The following LRRC4C variants were observed in gnomAD, a reference collection of about 807,000 sequenced individuals.
The protein encoded by LRRC4C is leucine-rich repeat-containing protein 4C.
LRRC4C carries 5 observed loss-of-function variants against 33.6 expected under a neutral mutation model. The observed-to-expected ratio is 0.15, with a 90% CI of 0.08 to 0.31. The LOEUF is 0.31. Among genes scored for constraint, LRRC4C ranks in the 10% least tolerant of loss-of-function variants. The probability of loss-of-function intolerance (pLI) is 1.00; values close to 1 mark genes in which losing one functional copy is unlikely to be tolerated. For synonymous variants in LRRC4C, 329 were observed against 302.0 expected (o/e 1.09, Z -0.93); for missense variants, 560 against 796.7 (o/e 0.70, Z 3.58).
intron 1 of LRRC4C, among the ~76,000 whole-genome samples, chr11:41,246,333 G>T (rs566115940): frequency 6.6e-6 from 1 of 152,296 alleles, no homozygotes; most frequent in African/African-American, 2.4e-5. Flanking sequence ...TCATGACAGC[G>T]CCTGGGCTTG....
intron 3 of LRRC4C, among the ~76,000 whole-genome samples, chr11:40,513,248 CAAA>C (rs1171178910): frequency 3.6e-5 from 2 of 55,004 alleles, no homozygotes; most frequent in Admixed American, 2.1e-4. Context: ...GACTCCGTCT[CAAA>C]AAAAAAAAAA....
At chr11:41,160,380 T>TAAAA (rs61443237) in intron 1 of LRRC4C, among the ~76,000 whole-genome samples, 55 of 132,672 alleles carry the variant, frequency 4.1e-4, no homozygotes, top group African/African-American at 9.3e-4. Context: ...ACCCTCTTTC[T>TAAAA]AAAAAAAAAA....
intron 1 of LRRC4C, among the ~76,000 whole-genome samples, chr11:40,972,568 G>A (rs1851799523): frequency 1.3e-5 from 2 of 152,098 alleles, no homozygotes; most frequent in South Asian, 4.1e-4. Flanking sequence ...AAGGAAATAG[G>A]TTTAATTGAC....
chr11:40,309,255 T>C (rs933446073), intron 4 of LRRC4C, among the ~76,000 whole-genome samples: 2 of 152,204 alleles, frequency 1.3e-5, no homozygotes, highest in Non-Finnish European at 2.9e-5. Flanking sequence ...CAAATTGATA[T>C]ATATATCCAT....
At chr11:40,890,978 C>A (rs561242706) in intron 2 of LRRC4C, among the ~76,000 whole-genome samples, 1 of 152,068 alleles carries the variant, frequency 6.6e-6, no homozygotes, top group African/African-American at 2.4e-5. Flanking sequence ...CATGGTGGCT[C>A]ACACCTATAA....
At chr11:40,335,809 G>A (rs1946571357) in intron 3 of LRRC4C, among the ~76,000 whole-genome samples, 1 of 152,286 alleles carries the variant, frequency 6.6e-6, no homozygotes, top group South Asian at 2.1e-4. Context: ...TGTAACGCAG[G>A]TAAGTAAGTA....
intron 2 of LRRC4C, among the ~76,000 whole-genome samples, chr11:40,834,903 G>GACACACACACAC (rs1257327297): frequency 1.5e-4 from 6 of 39,050 alleles, no homozygotes; most frequent in Admixed American, 2.9e-4. Flanking sequence ...CAGACAGACA[G>GACACACACACAC]ACAGACAGAC....
At chr11:41,337,937 C>T (rs1951507800) in intron 1 of LRRC4C, among the ~76,000 whole-genome samples, 1 of 152,096 alleles carries the variant, frequency 6.6e-6, no homozygotes, top group Admixed American at 6.5e-5. Context: ...TGAAAAAAAG[C>T]TCAACATGAC....
intron 1 of LRRC4C, among the ~76,000 whole-genome samples, chr11:40,955,773 G>A (rs561492420): frequency 7.2e-5 from 11 of 151,812 alleles, no homozygotes; most frequent in South Asian, 2.1e-4. Context: ...TGTACTCATA[G>A]AGGAAAGCAC....
chr11:40,787,330 G>A (rs1174171895), intron 2 of LRRC4C, among the ~76,000 whole-genome samples: 1 of 152,162 alleles, frequency 6.6e-6, no homozygotes, highest in Non-Finnish European at 1.5e-5. Context: ...TCACTGTTGG[G>A]TGACAGTCCG....
intron 2 of LRRC4C, among the ~76,000 whole-genome samples, chr11:40,920,504 C>T (rs1430981273): frequency 6.6e-6 from 1 of 152,156 alleles, no homozygotes; most frequent in Non-Finnish European, 1.5e-5. Flanking sequence ...TGAGGCTCTG[C>T]TGGGAATTTC....
chr11:40,216,698 CCA>C (rs1410826038), intron 5 of LRRC4C, among the ~76,000 whole-genome samples: 1 of 152,058 alleles, frequency 6.6e-6, no homozygotes, highest in Admixed American at 6.6e-5. Context: ...GTGAATTTCC[CCA>C]GTTATGAAAC....
chr11:40,534,189 C>T (rs955660652), intron 3 of LRRC4C, among the ~76,000 whole-genome samples: 1 of 152,064 alleles, frequency 6.6e-6, no homozygotes, highest in Middle Eastern at 3.2e-3. Flanking sequence ...TTGGATGACT[C>T]TTAGCACATG....
chr11:40,422,136 A>G (rs1565371847), intron 3 of LRRC4C, among the ~76,000 whole-genome samples: 1 of 152,246 alleles, frequency 6.6e-6, no homozygotes, highest in African/African-American at 2.4e-5. Context: ...AGTTGAAGAA[A>G]AATACATTTC....
chr11:41,155,784 T>C (rs376118665), intron 1 of LRRC4C, among the ~76,000 whole-genome samples: 1 of 152,138 alleles, frequency 6.6e-6, no homozygotes, highest in South Asian at 2.1e-4. Flanking sequence ...AATCTCTCTC[T>C]CTTTTCCGCT....
chr11:40,735,992 T>G, intron 2 of LRRC4C, among the ~76,000 whole-genome samples: 1 of 144,420 alleles, frequency 6.9e-6, no homozygotes, highest in African/African-American at 2.7e-5. Context: ...CTTCGCCCAC[T>G]TATTGATGGG....
At chr11:41,332,306 A>G (rs1296134593) in intron 1 of LRRC4C, among the ~76,000 whole-genome samples, 1 of 152,214 alleles carries the variant, frequency 6.6e-6, no homozygotes, top group Non-Finnish European at 1.5e-5. Flanking sequence ...TCAATTGTGT[A>G]AGCATGATAC....
rs1944627021 is a variant in LRRC4C at position 40,680,431 on chromosome 11, T to C, written c.-406-32153A>G. Among the ~76,000 whole-genome samples, 3 of 152,112 alleles carry C rather than the reference T, an allele frequency of 2.0e-5. No homozygotes were observed. In the South Asian group the frequency reaches 6.2e-4, roughly 32 times the overall value. On this transcript the variant is annotated intron_variant, in intron 2 of 6. Transcript: ENST00000528697. ...AGGGGCCAGGGGCAGAAGGATATGG[T>C]TTGGCTCTGTGTCCCCACCCAAATC...
At chr11:41,283,316 G>A (rs564664195) in intron 1 of LRRC4C, among the ~76,000 whole-genome samples, 2 of 152,216 alleles carry the variant, frequency 1.3e-5, no homozygotes, top group East Asian at 3.9e-4. Flanking sequence ...TTTATATTAG[G>A]TAAATTTTCA....
Sources: allele counts gnomAD v4.1 joint callset (sites outside exome capture counted in the v4.1 genomes callset), GRCh38; gene constraint gnomAD v4.1.1; transcripts MANE v1.5; gene names NCBI Gene and HGNC (gene_info 2026-07-23, HGNC 2026-07-21).